The following TENM2 variants were observed in gnomAD, a reference collection of about 807,000 sequenced individuals.
The protein encoded by TENM2 is teneurin transmembrane protein 2, also known as teneurin-2.
Under a neutral mutation model 245.2 loss-of-function variants are expected in TENM2, and 52 were observed. The observed-to-expected ratio is 0.21, with a 90% CI of 0.17 to 0.27. TENM2 has a LOEUF of 0.27. Among genes scored for constraint, TENM2 ranks in the 10% least tolerant of loss-of-function variants. The pLI, the probability that TENM2 is intolerant of heterozygous loss-of-function variation, is 1.00. For missense variants in TENM2, 3,046 were observed against 3,666.8 expected, an observed-to-expected ratio of 0.83 and a Z score of 4.37; for synonymous variants, 1,363 against 1,438.9, an observed-to-expected ratio of 0.95 and a Z score of 1.19.
At chr5:167,139,842 C>T in the TENM2 span, among the ~76,000 whole-genome samples, 6 of 152,090 alleles carry the variant, frequency 3.9e-5, no homozygotes, top group Non-Finnish European at 5.9e-5. Context: ...CAAAACCAAG[C>T]GTTGTAATGA....
intron 2 of TENM2, among the ~76,000 whole-genome samples, chr5:167,701,368 A>G (rs943481544): frequency 1.3e-5 from 2 of 151,024 alleles, no homozygotes; most frequent in Non-Finnish European, 2.9e-5. Context: ...TGATGTTGGC[A>G]TTATCGTCAT....
intron 1 of TENM2, among the ~76,000 whole-genome samples, chr5:167,351,650 A>G (rs565656058): frequency 6.6e-6 from 1 of 152,260 alleles, no homozygotes; most frequent in East Asian, 1.9e-4. Context: ...GGAGCCTTGG[A>G]CATCGGAGCT....
At chr5:167,117,246 G>T in the TENM2 span, among the ~76,000 whole-genome samples, 1 of 152,244 alleles carries the variant, frequency 6.6e-6, no homozygotes, top group Non-Finnish European at 1.5e-5. Flanking sequence ...GCTCACGCCT[G>T]TAATCCCAGC....
chr5:167,793,833 A>C (rs905471409), intron 2 of TENM2, among the ~76,000 whole-genome samples: 2 of 151,888 alleles, frequency 1.3e-5, no homozygotes, highest in Non-Finnish European at 2.9e-5. Context: ...CTGTCTAAAA[A>C]AAAAAAAGAA....
chr5:167,823,082 T>A (rs1767668500), intron 2 of TENM2, among the ~76,000 whole-genome samples: 1 of 152,184 alleles, frequency 6.6e-6, no homozygotes, highest in Non-Finnish European at 1.5e-5. Context: ...CTGCATCGCT[T>A]GCCAGATTTT....
chr5:167,945,787 C>T (rs1316575735), intron 3 of TENM2, among the ~76,000 whole-genome samples: 1 of 152,220 alleles, frequency 6.6e-6, no homozygotes, highest in African/African-American at 2.4e-5. Flanking sequence ...TTTCTCTGCC[C>T]TCTGTTCAGG....
intron 2 of TENM2, among the ~76,000 whole-genome samples, chr5:167,384,688 G>A (rs1298224062): frequency 7.9e-5 from 10 of 127,368 alleles, no homozygotes; most frequent in South Asian, 2.5e-4. Flanking sequence ...CAGATACAGC[G>A]CGTGCACACG....
intron 2 of TENM2, among the ~76,000 whole-genome samples, chr5:167,813,463 A>T (rs971309198): frequency 2.6e-5 from 4 of 151,994 alleles, no homozygotes; most frequent in Non-Finnish European, 5.9e-5. Context: ...CTATGGCAGA[A>T]AGAGTGTTGC....
At chr5:168,037,611 A>G (rs1286924130) in intron 5 of TENM2, among the ~76,000 whole-genome samples, 2 of 150,680 alleles carry the variant, frequency 1.3e-5, no homozygotes, top group Non-Finnish European at 2.9e-5. Flanking sequence ...GAGTAGTAAT[A>G]AAAATATTAA....
In TENM2 at chr5:167,584,662, A is replaced by T. The variant is rs546267575; in HGVS notation, c.502+209189A>T. ...TAGATTCCCTACCCCTCCAGACCGT[A>T]TTCTCCCGCCTCACACCTAAGCTTT... On this transcript the variant is annotated intron_variant, in intron 2 of 28. Transcript: ENST00000518659. Among the ~76,000 whole-genome samples, 184 of 149,846 alleles carry T rather than the reference A, an allele frequency of 1.2e-3. 1 individual carries two copies. Among genetic ancestry groups the T allele is most frequent in the Non-Finnish European group, 2.3e-3 (159 of 67,676 alleles).
At chr5:167,339,025 C>G (rs1178543527) in intron 1 of TENM2, among the ~76,000 whole-genome samples, 1 of 152,146 alleles carries the variant, frequency 6.6e-6, no homozygotes, top group Non-Finnish European at 1.5e-5. Context: ...ACAATTCCAT[C>G]CATAGCATTC....
At chr5:167,969,498 A>C (rs1781616522) in intron 4 of TENM2, among the ~76,000 whole-genome samples, 1 of 152,278 alleles carries the variant, frequency 6.6e-6, no homozygotes, top group Admixed American at 6.5e-5. Context: ...CTTTATTAGC[A>C]GCGTAAGAAC....
chr5:168,137,851 G>A (rs957606634), intron 12 of TENM2, among the ~76,000 whole-genome samples: 6 of 152,050 alleles, frequency 3.9e-5, no homozygotes, highest in Non-Finnish European at 5.9e-5. Context: ...CATTTAATGG[G>A]GCCAAGAAAG....
intron 9 of TENM2, among the ~76,000 whole-genome samples, chr5:168,107,720 A>C (rs1794367395): frequency 6.6e-6 from 1 of 152,166 alleles, no homozygotes; most frequent in Non-Finnish European, 1.5e-5. Context: ...CACCCCTCAT[A>C]AAGTGTGAGG....
the TENM2 span, among the ~76,000 whole-genome samples, chr5:166,991,289 T>C: frequency 6.6e-6 from 1 of 151,962 alleles, no homozygotes; most frequent in Non-Finnish European, 1.5e-5. Context: ...GTGACTGTTG[T>C]TGAAACACTT....
chr5:167,719,644 G>T (rs7713448), intron 2 of TENM2, among the ~76,000 whole-genome samples: 37,864 of 152,148 alleles, frequency 0.25, 5,666 homozygotes, highest in East Asian at 0.5. Context: ...CCAGAATATT[G>T]GCAATAAAGT....
chr5:167,518,109 C>T (rs1372710762), intron 2 of TENM2, among the ~76,000 whole-genome samples: 4 of 150,886 alleles, frequency 2.7e-5, no homozygotes, highest in Non-Finnish European at 4.4e-5. Flanking sequence ...TGTAGTGAGC[C>T]GATATGGTAT....
chr5:167,817,918 T>A (rs142122602), intron 2 of TENM2, among the ~76,000 whole-genome samples: 1 of 152,138 alleles, frequency 6.6e-6, no homozygotes, highest in Non-Finnish European at 1.5e-5. Flanking sequence ...CTTCAGGAAA[T>A]GCCAGTTTTG....
chr5:167,907,486 G>A (rs1776181176), intron 3 of TENM2, among the ~76,000 whole-genome samples: 1 of 131,662 alleles, frequency 7.6e-6, no homozygotes, highest in Non-Finnish European at 1.6e-5. Context: ...TGATCAAGAT[G>A]GCCTTTCTGC....
Sources: allele counts gnomAD v4.1 joint callset (sites outside exome capture counted in the v4.1 genomes callset), GRCh38; gene constraint gnomAD v4.1.1; transcripts MANE v1.5; gene names NCBI Gene and HGNC (gene_info 2026-07-23, HGNC 2026-07-21).